The following ZIM2 variants were observed in gnomAD, a reference collection of about 807,000 sequenced individuals.
The protein encoded by ZIM2 is zinc finger protein 656.
In ZIM2, 14 loss-of-function variants were observed where a neutral mutation model predicts 38.6. The observed-to-expected ratio is 0.36, with a 90% CI of 0.24 to 0.57. ZIM2 has a LOEUF of 0.57. ZIM2 is among the 20% of genes least tolerant of loss of function. The pLI is 0.81. For missense variants in ZIM2, 680 were observed against 695.1 expected, an observed-to-expected ratio of 0.98 and a Z score of 0.24; for synonymous variants, 247 against 245.8, an observed-to-expected ratio of 1.00 and a Z score of -0.04.
Position 56,779,428 on chromosome 19 carries a change from C to T in ZIM2, c.784G>A (p.Glu262Lys), listed in dbSNP as rs1368777780. The change falls in exon 12 of 13, where the codon GAG becomes AAG. Residue 262 changes from glutamate to lysine, a missense_variant. Transcript: ENST00000629319. ...KPDIISRLEE[E>K]ESYAMETDSR... is the part of the protein sequence containing the mutation. Reference sequence around the variant, plus strand: ...TCTGTCTCCATTGCATATGATTCCTCCTCTTCCAGGCGTGAGATAATGTCA... The same window carrying T: ...TCTGTCTCCATTGCATATGATTCCTTCTCTTCCAGGCGTGAGATAATGTCA... 4 of 1,613,984 alleles carry T rather than the reference C, an allele frequency of 2.5e-6. No homozygotes were observed. In the South Asian group the frequency reaches 3.3e-5, roughly 13 times the overall value.
chr19:56,782,586 A>C (rs879812280), intron 10 of ZIM2: 2 of 346,184 alleles, frequency 5.8e-6, no homozygotes, highest in African/African-American at 4.3e-5. Flanking sequence ...AGTATTGGGT[A>C]AAAATTAAGT....
At chr19:56,786,285 C>T (rs893611024) in intron 10 of ZIM2, among the ~76,000 whole-genome samples, 4 of 152,092 alleles carry the variant, frequency 2.6e-5, no homozygotes, top group Non-Finnish European at 5.9e-5. Context: ...CTTAAGAATG[C>T]GTGTTCCAGG....
At chr19:56,836,131 G>A (rs940827014) in intron 1 of ZIM2, 27 bp from the exon 2 acceptor site, 14 of 453,538 alleles carry the variant, frequency 3.1e-5, no homozygotes, top group African/African-American at 2.2e-4. Context: ...AATGTGAGAC[G>A]CCAAGTTTAT....
Position 56,814,409 on chromosome 19 carries a change from T to C in ZIM2, c.490+3337A>G. 1 of 1,614,068 alleles carries C rather than the reference T, an allele frequency of 6.2e-7. No individual in the cohort carries two copies. Among genetic ancestry groups the C allele is most frequent in the Non-Finnish European group, 8.5e-7 (1 of 1,179,930 alleles). ...AGCTCCTTATGTTTAGTGAGGACTG[T>C]GCTATGAATAAAGGACTTACCACAA... On this transcript the variant is annotated intron_variant, in intron 9 of 12. Coordinates refer to ENST00000629319, the MANE Select transcript of ZIM2 (RefSeq NM_001387356.1). The surrounding 1 kb of genome is among the most constrained non-coding windows in gnomAD (Gnocchi z 5.8).
chr19:56,779,242 G>C, intron 12 of ZIM2, 135 bp downstream of exon 12: 1 of 737,202 alleles, frequency 1.4e-6, no homozygotes, highest in Non-Finnish European at 2.2e-6. Flanking sequence ...GCTTCAGAAA[G>C]GAGACCAAGG....
At chr19:56,805,161 G>T (rs1297635524) in intron 9 of ZIM2, among the ~76,000 whole-genome samples, 1 of 152,152 alleles carries the variant, frequency 6.6e-6, no homozygotes, top group African/African-American at 2.4e-5. Context: ...GCATTATAGG[G>T]TATTGAGCAG....
chr19:56,802,342 AAGAT>A (rs2145996136), intron 9 of ZIM2, among the ~76,000 whole-genome samples: 1 of 152,302 alleles, frequency 6.6e-6, no homozygotes, highest in Non-Finnish European at 1.5e-5. Context: ...GGGAAGGCAA[AAGAT>A]AGCCCCTTTA....
At chr19:56,812,935 G>A (rs2059637963) in intron 9 of ZIM2, 3 of 985,674 alleles carry the variant, frequency 3.0e-6, no homozygotes, top group Non-Finnish European at 3.6e-6. Context: ...TCCGTATATT[G>A]TAAAGCCTTA....
intron 2 of ZIM2, among the ~76,000 whole-genome samples, chr19:56,832,110 C>A (rs146268074): frequency 6.6e-6 from 1 of 152,142 alleles, no homozygotes; most frequent in South Asian, 2.1e-4. Flanking sequence ...TTAATAATAA[C>A]AAGTCTCTGT....
intron 11 of ZIM2, 30 bp from the exon 12 acceptor site, chr19:56,779,502 G>A (rs1179374674): frequency 6.2e-7 from 1 of 1,605,766 alleles, no homozygotes; most frequent in Admixed American, 1.7e-5. Context: ...AGAACTCAGG[G>A]TTTCAGTAAC....
In ZIM2 at chr19:56,781,950, T is replaced by C. The variant is rs1387671587; in HGVS notation, c.739+3A>G. On this transcript the variant is annotated splice_donor_region_variant and intron_variant, in intron 11 of 12. Coordinates refer to ENST00000629319, the MANE Select transcript of ZIM2 (RefSeq NM_001387356.1). ...CCAAGTCCTGTGGAGAAGGCATACTTACCCAGGGAGACCAGGTTCCGGTAA... is the reference window on the plus strand; with the variant it reads ...CCAAGTCCTGTGGAGAAGGCATACTCACCCAGGGAGACCAGGTTCCGGTAA... 2 of 1,613,132 alleles carry C rather than the reference T, an allele frequency of 1.2e-6. No individual in the cohort carries two copies. The highest frequency in any genetic ancestry group is 2.2e-5 in the East Asian group (1 of 44,874).
chr19:56,814,624 T>C lies in ZIM2; in HGVS notation c.490+3122A>G, dbSNP rs1482862557. 6.2e-7 allele frequency: 1 copy of C among 1,614,168 alleles called. No individual in the cohort carries two copies. The highest frequency in any genetic ancestry group is 1.1e-5 in the South Asian group (1 of 91,080). On this transcript the variant is annotated intron_variant, in intron 9 of 12. Coordinates refer to ENST00000629319, the MANE Select transcript of ZIM2 (RefSeq NM_001387356.1). This position sits in a 1 kb window ranked among gnomAD's most constrained non-coding sequence, Gnocchi z 5.8. ...GAGTCTCTCTTCGGTCTGACTTCTCTGAAACTCAGTGAGGGCTAAGCCTGG... is the reference window on the plus strand; with the variant it reads ...GAGTCTCTCTTCGGTCTGACTTCTCCGAAACTCAGTGAGGGCTAAGCCTGG...
At chr19:56,822,942 C>T in intron 5 of ZIM2, 106 bp from the exon 6 acceptor site, 5 of 1,436,582 alleles carry the variant, frequency 3.5e-6, no homozygotes, top group Non-Finnish European at 4.7e-6. Context: ...CCTCTTCCCA[C>T]AAGGAGATGG....
intron 6 of ZIM2, 85 bp from the exon 7 acceptor site, chr19:56,821,839 G>T: frequency 6.9e-7 from 1 of 1,446,556 alleles, no homozygotes; most frequent in Non-Finnish European, 9.6e-7. Flanking sequence ...TATGAAGCCA[G>T]CTGGGGTGTG....
At chr19:56,812,271 T>A (rs2146095641) in intron 9 of ZIM2, 1 of 979,848 alleles carries the variant, frequency 1.0e-6, no homozygotes, top group Middle Eastern at 5.3e-4. Context: ...TGAGGTCAAT[T>A]TGTAATTAAA....
At chr19:56,778,753 A>G (rs949204034) in intron 12 of ZIM2, among the ~76,000 whole-genome samples, 13 of 152,172 alleles carry the variant, frequency 8.5e-5, no homozygotes, top group Admixed American at 6.5e-5. Flanking sequence ...GTTAACTACA[A>G]CTGAAGGACA....
rs140173828 is a variant in ZIM2 at position 56,815,536 on chromosome 19, T to C, written c.490+2210A>G. On this transcript the variant is annotated intron_variant, in intron 9 of 12. Transcript: ENST00000629319. ...GCACTCCCCACACTCCTGACATTCA[T>C]AGAGCATCCCTCGAGGGCGAAATGT... 9.4e-5 allele frequency: 152 copies of C among 1,614,138 alleles called. No homozygotes were observed. The highest frequency in any genetic ancestry group is 1.1e-4 in the Non-Finnish European group (134 of 1,179,984).
intron 9 of ZIM2, among the ~76,000 whole-genome samples, chr19:56,800,016 G>T (rs1168327887): frequency 6.6e-6 from 1 of 152,346 alleles, no homozygotes; most frequent in Non-Finnish European, 1.5e-5. Flanking sequence ...ATTGGTGGTT[G>T]CCCCTAAGGA....
intron 9 of ZIM2, among the ~76,000 whole-genome samples, chr19:56,792,024 G>GT (rs36087082): frequency 0.015 from 2,073 of 134,582 alleles, 23 homozygotes; most frequent in African/African-American, 0.023. Context: ...AATCCCAGGA[G>GT]TTTTTTTTTT....
Sources: allele counts gnomAD v4.1 joint callset (sites outside exome capture counted in the v4.1 genomes callset), GRCh38; gene constraint gnomAD v4.1.1; non-coding constraint Gnocchi (gnomAD v3.1); transcripts MANE v1.5; gene names NCBI Gene and HGNC (gene_info 2026-07-23, HGNC 2026-07-21).